BDH1: variants seen among roughly 807,000 people sequenced by gnomAD.
The protein encoded by BDH1 is 3-hydroxybutyrate dehydrogenase 1.
A neutral mutation model predicts 33.1 loss-of-function variants in BDH1; 30 were observed. That is an observed-to-expected ratio of 0.91 (90% CI 0.68 to 1.23). BDH1 has a LOEUF of 1.23. Ranked by LOEUF, BDH1 falls within the 50% of genes most tolerant of loss-of-function variation. BDH1 has a pLI of 0.00. For missense variants in BDH1, 443 were observed against 464.4 expected (o/e 0.95, Z 0.42); for synonymous variants, 190 against 183.6 (o/e 1.03, Z -0.28).
chr3:197,560,951 T>G (rs975183844), upstream of BDH1, among the ~76,000 whole-genome samples: 2 of 151,958 alleles, frequency 1.3e-5, no homozygotes, highest in Non-Finnish European at 2.9e-5. Flanking sequence ...GTTGTCCACC[T>G]TTCTGGGCCA....
rs1210090670 is a variant in BDH1, at chr3:197,511,127, T to A, written c.*768A>T. 6.6e-6 allele frequency: 1 copy of A among 152,358 alleles called. No homozygotes were observed. The highest frequency in any genetic ancestry group is 6.5e-5 in the Admixed American group (1 of 15,278). The allele number at this position is 152,358 out of a possible 1,614,324, so 9.4% of individuals were successfully genotyped here. A position where few individuals can be genotyped will look rare whatever the true frequency, so the allele number is the denominator to read the frequency against. The stretch of plus-strand genomic sequence containing the variant: ...CTATAACCCCAGCTACTTGGAAGGC[T>A]GAGGCAGGAGAACCGCTTGAACCAG... On this transcript the variant is annotated 3_prime_UTR_variant, in exon 8 of 8. Transcript: ENST00000392379.
In BDH1 at chr3:197,514,957, T is replaced by C. The variant is rs1712533985; in HGVS notation, c.410-541A>G. On this transcript the variant is annotated intron_variant, in intron 6 of 7. Coordinates refer to ENST00000392379, the MANE Select transcript of BDH1 (RefSeq NM_203314.3). This position sits in a 1 kb window ranked among gnomAD's most constrained non-coding sequence, Gnocchi z 4.2. ...TGCAAAGGCTGGATGGGTCAGAGCC[T>C]CAGGACAGAGCTGGGCCCTGCCTCT... 6.6e-6 allele frequency among the ~76,000 whole-genome samples: 1 copy of C among 152,176 alleles called. No homozygotes were observed. Among genetic ancestry groups the C allele is most frequent in the Admixed American group, 6.5e-5 (1 of 15,282 alleles).
At chr3:197,556,898 C>T (rs1053906084), upstream of BDH1, among the ~76,000 whole-genome samples, 2 of 152,096 alleles carry the variant, frequency 1.3e-5, no homozygotes, top group African/African-American at 2.4e-5. Flanking sequence ...CGAAGCTACG[C>T]GAAAGGAAAA....
chr3:197,543,550 G>A (rs948479172), intron 3 of BDH1, among the ~76,000 whole-genome samples: 1 of 152,236 alleles, frequency 6.6e-6, no homozygotes, highest in African/African-American at 2.4e-5. Flanking sequence ...GAGGGCCATG[G>A]GGAGCCAGTA....
chr3:197,555,740 A>T (rs988821326), intron 1 of BDH1, 41 bp downstream of exon 1: 1 of 152,186 alleles, frequency 6.6e-6, no homozygotes, highest in South Asian at 2.1e-4. Flanking sequence ...GGCGCCAGGG[A>T]ATCCCGCCCG....
intron 2 of BDH1, 126 bp from the exon 3 acceptor site, chr3:197,546,612 G>A: frequency 1.7e-6 from 1 of 604,118 alleles, no homozygotes; most frequent in South Asian, 2.1e-5. Flanking sequence ...CTCCAGTCCT[G>A]GTACCACCAG....
chr3:197,527,218 G>A (rs1249879945), intron 5 of BDH1, among the ~76,000 whole-genome samples: 3 of 152,224 alleles, frequency 2.0e-5, no homozygotes, highest in Non-Finnish European at 4.4e-5. Context: ...GGATGGGCAG[G>A]AGGAGGAGCT....
At chr3:197,545,958 G>A (rs1716042937) in intron 3 of BDH1, among the ~76,000 whole-genome samples, 1 of 152,168 alleles carries the variant, frequency 6.6e-6, no homozygotes, top group Admixed American at 6.5e-5. Flanking sequence ...CCAACCTGGT[G>A]AAACCCCGTC....
upstream of BDH1, among the ~76,000 whole-genome samples, chr3:197,560,962 A>G (rs1438192772): frequency 6.6e-6 from 1 of 152,208 alleles, no homozygotes; most frequent in Non-Finnish European, 1.5e-5. Context: ...TTCTGGGCCA[A>G]ATCAATGTTC....
intron 4 of BDH1, among the ~76,000 whole-genome samples, chr3:197,533,180 G>A (rs374051892): frequency 3.9e-5 from 6 of 152,170 alleles, no homozygotes; most frequent in East Asian, 3.9e-4. Flanking sequence ...CTGGGCCTCC[G>A]GAGTCTAAAC....
At chr3:197,541,650 T>C (rs1715634591) in intron 3 of BDH1, among the ~76,000 whole-genome samples, 1 of 152,172 alleles carries the variant, frequency 6.6e-6, no homozygotes, top group Non-Finnish European at 1.5e-5. Context: ...AGAATGATTT[T>C]TTTTTTCTTT....
chr3:197,564,603 G>A (rs1717372846), intron 1 of BDH1, among the ~76,000 whole-genome samples: 1 of 151,950 alleles, frequency 6.6e-6, no homozygotes. Flanking sequence ...TGAAACACAG[G>A]GCCAAAAATT....
Position 197,525,217 on chromosome 3 carries a change from C to T in BDH1, c.268-2436G>A, listed in dbSNP as rs1177460738. Among the ~76,000 whole-genome samples the T allele has an allele frequency of 6.6e-6, 1 of 152,234 alleles. No individual in the cohort carries two copies. The highest frequency in any genetic ancestry group is 1.5e-5 in the Non-Finnish European group (1 of 68,048). ...AGGCGGCACACAGGTACCAGGAAAA[C>T]ACGTGTCTTGCTTTAATGCAGTCTT... On this transcript the variant is annotated intron_variant, in intron 5 of 7. Transcript: ENST00000392379. This position sits in a 1 kb window ranked among gnomAD's most constrained non-coding sequence, Gnocchi z 4.9.
upstream of BDH1, among the ~76,000 whole-genome samples, chr3:197,560,584 G>A (rs1482549203): frequency 3.3e-5 from 5 of 152,200 alleles, no homozygotes; most frequent in Non-Finnish European, 5.9e-5. Context: ...GTATGCTCAC[G>A]GCAAAACTGC....
intron 2 of BDH1, among the ~76,000 whole-genome samples, chr3:197,553,543 AAAAG>A (rs1256054692): frequency 7.9e-5 from 12 of 151,298 alleles, no homozygotes; most frequent in African/African-American, 2.9e-4. Flanking sequence ...AAAAAAAAAA[AAAAG>A]AAGAGTTTTA....
rs139819797 is a variant in BDH1 at position 197,522,278 on chromosome 3, C to T, written c.409+362G>A. On this transcript the variant is annotated intron_variant, in intron 6 of 7. Coordinates refer to ENST00000392379, the MANE Select transcript of BDH1 (RefSeq NM_203314.3). The surrounding 1 kb of genome is among the most constrained non-coding windows in gnomAD (Gnocchi z 4.8). ...CTCCCTGATTTTGAACTCAGTCCTC[C>T]GGCTGAACTATGAGGTCCTGGGGAC... Among the ~76,000 whole-genome samples, 381 of 152,284 alleles carry T rather than the reference C, an allele frequency of 2.5e-3. No individual in the cohort carries two copies. The highest frequency in any genetic ancestry group is 8.3e-3 in the African/African-American group (346 of 41,538).
Position 197,512,315 on chromosome 3 carries a change from G to A in BDH1, c.612C>T (p.Ala204=). ...SSMLGRMANP[A]RSPYCITKFG... Reference sequence around the variant, plus strand: ...ACTTGGTGATGCAGTACGGGGAGCGGGCCGGGTTGGCCATGCGGCCCAGCA... The same window carrying A: ...ACTTGGTGATGCAGTACGGGGAGCGAGCCGGGTTGGCCATGCGGCCCAGCA... Residue 204 remains alanine, a synonymous_variant, in exon 8 of 8, where the codon GCC becomes GCT. Coordinates refer to ENST00000392379, the MANE Select transcript of BDH1 (RefSeq NM_203314.3). 6.2e-7 allele frequency: 1 copy of A among 1,611,268 alleles called. No homozygotes were observed. The highest frequency in any genetic ancestry group is 1.1e-5 in the South Asian group (1 of 91,074).
chr3:197,540,511 A>C (rs1229578004), intron 3 of BDH1, among the ~76,000 whole-genome samples: 2 of 151,928 alleles, frequency 1.3e-5, no homozygotes, highest in Non-Finnish European at 2.9e-5. Flanking sequence ...TCTACTAAAA[A>C]TACAAAAATT....
At chr3:197,566,437 G>A (rs1358827263) in intron 1 of BDH1, among the ~76,000 whole-genome samples, 1 of 152,162 alleles carries the variant, frequency 6.6e-6, no homozygotes, top group African/African-American at 2.4e-5. Context: ...AACCTCAAGA[G>A]GAAAGGATCA....
Sources: gnomAD v4.1 joint callset for allele counts (sites outside exome capture counted in the v4.1 genomes callset) on GRCh38, gnomAD v4.1.1 for gene constraint, Gnocchi (gnomAD v3.1) non-coding constraint, MANE v1.5 for transcripts, NCBI Gene and HGNC (gene_info 2026-07-23, HGNC 2026-07-21) for gene names.